The following NEIL3 variants were observed in gnomAD, a reference collection of about 807,000 sequenced individuals.
The protein encoded by NEIL3 is endonuclease 8-like 3.
In NEIL3, 48 loss-of-function variants were observed where a neutral mutation model predicts 57.5. The observed-to-expected ratio is 0.83, with a 90% confidence interval of 0.66 to 1.06. The LOEUF (loss-of-function observed/expected upper bound fraction) is 1.06, where lower values mean the gene tolerates loss of function less well. NEIL3 is among the 50% of genes least tolerant of loss of function. NEIL3 has a pLI of 0.00. For missense variants in NEIL3, 717 were observed against 739.1 expected (o/e 0.97, Z 0.35); for synonymous variants, 261 against 253.2 (o/e 1.03, Z -0.29).
At chr4:177,312,340 G>T (rs1456530947) in intron 1 of NEIL3, among the ~76,000 whole-genome samples, 1 of 152,158 alleles carries the variant, frequency 6.6e-6, no homozygotes, top group Non-Finnish European at 1.5e-5. Context: ...AGCCATAAAA[G>T]ATTCAGTAGG....
At chr4:177,350,666 T>C (rs1735330811) in intron 6 of NEIL3, among the ~76,000 whole-genome samples, 1 of 152,210 alleles carries the variant, frequency 6.6e-6, no homozygotes. Flanking sequence ...AACTTTCACA[T>C]CTTTCAATCC....
intron 8 of NEIL3, among the ~76,000 whole-genome samples, chr4:177,356,005 T>A (rs1429268835): frequency 6.6e-6 from 1 of 152,208 alleles, no homozygotes; most frequent in East Asian, 1.9e-4. Context: ...TAACCCTAAT[T>A]AGTGCCTCAT....
chr4:177,353,903 T>A lies in NEIL3; in HGVS notation c.1460+175T>A, dbSNP rs35469530. On this transcript the variant is annotated intron_variant, in intron 8 of 9. Transcript: ENST00000264596. The stretch of plus-strand genomic sequence containing the variant: ...GCCTCAGCCTCCCAAGTAGCTGAGA[T>A]TACAGGCACATGCCATCAGGCCCGA... The A allele has an allele frequency of 8.7e-4, 525 of 602,618 alleles. 5 individuals are homozygous for A. In the East Asian group the frequency reaches 0.014, roughly 16 times the overall value. The allele number at this position is 602,618 out of a possible 1,614,324, so 37.3% of individuals were successfully genotyped here.
chr4:177,342,049 C>G (rs1050665605), intron 6 of NEIL3, among the ~76,000 whole-genome samples: 2 of 152,200 alleles, frequency 1.3e-5, no homozygotes, highest in African/African-American at 4.8e-5. Flanking sequence ...TAATAGACCA[C>G]TTACTAAACC....
At chr4:177,328,868 A>G (rs1734828998) in intron 2 of NEIL3, among the ~76,000 whole-genome samples, 2 of 152,162 alleles carry the variant, frequency 1.3e-5, no homozygotes, top group Non-Finnish European at 2.9e-5. Context: ...CATTGCAACA[A>G]TAGTACAAAT....
intron 2 of NEIL3, among the ~76,000 whole-genome samples, chr4:177,322,855 TACC>T (rs1283565670): frequency 6.6e-6 from 1 of 152,222 alleles, no homozygotes; most frequent in African/African-American, 2.4e-5. Flanking sequence ...AAGCTTCCTA[TACC>T]ACAAGTCTCT....
In NEIL3 at chr4:177,337,880, G is replaced by A. The variant is rs552214900; in HGVS notation, c.627+1559G>A. On this transcript the variant is annotated intron_variant, in intron 4 of 9. Transcript: ENST00000264596. ...CTAAAAACACAAAAATGAGGTGGGC[G>A]TAGTGGCACATGCCTGTAGTCCCAG... 5.9e-5 allele frequency among the ~76,000 whole-genome samples: 9 copies of A among 152,262 alleles called. No homozygotes were observed. The South Asian group carries it at 8.3e-4, about 14-fold the overall frequency.
chr4:177,310,224 GGT>G, intron 1 of NEIL3, 115 bp downstream of exon 1: 2 of 1,170,248 alleles, frequency 1.7e-6, no homozygotes, highest in Non-Finnish European at 2.3e-6. Context: ...GGTTTCCTGG[GGT>G]CCCACCTTTC....
chr4:177,333,501 C>G (rs1455438295), intron 2 of NEIL3, among the ~76,000 whole-genome samples: 1 of 152,140 alleles, frequency 6.6e-6, no homozygotes, highest in Non-Finnish European at 1.5e-5. Context: ...GCACCAAAAA[C>G]TTCTTTAAAA....
intron 2 of NEIL3, 42 bp from the exon 3 acceptor site, chr4:177,335,646 A>G (rs188315493): frequency 1.6e-5 from 26 of 1,586,432 alleles, no homozygotes; most frequent in Non-Finnish European, 2.2e-5. Context: ...TTGATAAATG[A>G]TATACTTTCT....
intron 6 of NEIL3, among the ~76,000 whole-genome samples, chr4:177,349,558 C>T (rs1239389388): frequency 6.6e-6 from 1 of 152,136 alleles, no homozygotes; most frequent in African/African-American, 2.4e-5. Flanking sequence ...CCAAAATAAT[C>T]TCTCTACGCC....
At chr4:177,321,417 T>G (rs527571862) in intron 1 of NEIL3, among the ~76,000 whole-genome samples, 1 of 152,210 alleles carries the variant, frequency 6.6e-6, no homozygotes, top group African/African-American at 2.4e-5. Flanking sequence ...TATTACATTT[T>G]GAGTTTAAAT....
intron 1 of NEIL3, among the ~76,000 whole-genome samples, chr4:177,318,097 C>T (rs1734608652): frequency 6.6e-6 from 1 of 152,188 alleles, no homozygotes; most frequent in African/African-American, 2.4e-5. Flanking sequence ...ATATTCCCCA[C>T]AGTGTAGGTT....
chr4:177,347,753 C>T (rs918228870), intron 6 of NEIL3, among the ~76,000 whole-genome samples: 1 of 151,880 alleles, frequency 6.6e-6, no homozygotes, highest in Non-Finnish European at 1.5e-5. Flanking sequence ...AATTTGGGGG[C>T]CCTTATTTAT....
At chr4:177,351,291 G>T in intron 6 of NEIL3, 89 bp from the exon 7 acceptor site, 1 of 722,284 alleles carries the variant, frequency 1.4e-6, no homozygotes, top group South Asian at 1.8e-5. Flanking sequence ...ATAGCATTGG[G>T]GTATTAATGG....
At chr4:177,365,811 G>A (rs1348426053), downstream of NEIL3, among the ~76,000 whole-genome samples, 6 of 152,152 alleles carry the variant, frequency 3.9e-5, no homozygotes, top group Admixed American at 1.3e-4. Context: ...TTTGCTTAAA[G>A]TCACAGTTTC....
chr4:177,367,319 G>A (rs1735704599), downstream of NEIL3, among the ~76,000 whole-genome samples: 1 of 152,132 alleles, frequency 6.6e-6, no homozygotes, highest in African/African-American at 2.4e-5. Flanking sequence ...TAGTGTGTAG[G>A]TTCTGGCCTG....
At chr4:177,337,034 G>T (rs1445997733) in intron 4 of NEIL3, among the ~76,000 whole-genome samples, 2 of 151,716 alleles carry the variant, frequency 1.3e-5, no homozygotes, top group East Asian at 1.9e-4. Flanking sequence ...ACATGAGTTG[G>T]TTATTTTATT....
At chr4:177,327,669 T>G (rs977820974) in intron 2 of NEIL3, among the ~76,000 whole-genome samples, 11 of 152,186 alleles carry the variant, frequency 7.2e-5, no homozygotes, top group African/African-American at 2.7e-4. Flanking sequence ...TGAGTAGTAG[T>G]GGTGAGAGCA....
Sources: gnomAD v4.1 joint callset for allele counts (sites outside exome capture counted in the v4.1 genomes callset) on GRCh38, gnomAD v4.1.1 for gene constraint, MANE v1.5 for transcripts, NCBI Gene and HGNC (gene_info 2026-07-23, HGNC 2026-07-21) for gene names.